Variants in CCDC69 observed in about 807,000 individuals in gnomAD.
CCDC69 encodes the protein coiled-coil domain containing 69.
Under a neutral mutation model 40.3 loss-of-function variants are expected in CCDC69, and 38 were observed. The observed-to-expected ratio is 0.94, with a 90% CI of 0.73 to 1.24. CCDC69 has a LOEUF of 1.24. CCDC69 is among the 50% of genes most tolerant of loss of function. The pLI is 0.00. For missense variants in CCDC69, 389 were observed against 357.9 expected (o/e 1.09, Z -0.70); for synonymous variants, 141 against 138.9 (o/e 1.02, Z -0.11).
In CCDC69 at chr5:151,201,580, A is replaced by T; in HGVS notation, c.231+2T>A. ...ACAGGGGGTGGGGGCACCTGGACTT[A>T]CCTGTTGTGCCCATTTCTTCTTTTC... On this transcript the variant is annotated splice_donor_variant, in intron 3 of 8. Coordinates refer to ENST00000355417, the MANE Select transcript of CCDC69 (RefSeq NM_015621.3). LOFTEE classifies it high-confidence loss of function. 1.2e-6 allele frequency: 2 copies of T among 1,606,322 alleles called. No homozygotes were observed. Among genetic ancestry groups the T allele is most frequent in the Non-Finnish European group, 1.7e-6 (2 of 1,173,476 alleles).
At chr5:151,217,722 C>G (rs937596336) in intron 1 of CCDC69, among the ~76,000 whole-genome samples, 2 of 152,174 alleles carry the variant, frequency 1.3e-5, no homozygotes, top group South Asian at 2.1e-4. Context: ...TTTCCCTCTT[C>G]TTGTTGGGAC....
intron 1 of CCDC69, among the ~76,000 whole-genome samples, chr5:151,209,665 C>T (rs866163427): frequency 3.3e-5 from 5 of 152,024 alleles, no homozygotes; most frequent in Admixed American, 6.5e-5. Flanking sequence ...CTGCAACCTC[C>T]GCCTCCCAGG....
intron 1 of CCDC69, among the ~76,000 whole-genome samples, chr5:151,222,329 A>T (rs1256358674): frequency 1.3e-5 from 2 of 152,226 alleles, no homozygotes; most frequent in African/African-American, 2.4e-5. Flanking sequence ...AACAGCTGGT[A>T]AGTCTCTCAG....
At chr5:151,215,605 T>C (rs1320421194) in intron 1 of CCDC69, 4 of 407,366 alleles carry the variant, frequency 9.8e-6, no homozygotes, top group African/African-American at 2.0e-5. Context: ...GAGGCCTGGG[T>C]GAGAACCTGG....
Position 151,183,614 on chromosome 5 carries a change from C to A in CCDC69, c.714G>T (p.Arg238Ser). 6.2e-7 allele frequency: 1 copy of A among 1,606,168 alleles called. No homozygotes were observed. Among genetic ancestry groups the A allele is most frequent in the Non-Finnish European group, 8.5e-7 (1 of 1,176,236 alleles). ...VRSRNQVVLS[R>S]QLSEDLLLTR... is the part of the protein sequence containing the mutation. ...TGAGAAGCAGGTCTTCTGACAGCTG[C>A]CTGTGGATGCACACAGAGCCCAGGG... Residue 238 changes from arginine to serine, a missense_variant and splice_region_variant, in exon 9 of 9, where the codon AGG becomes AGT. Coordinates refer to ENST00000355417, the MANE Select transcript of CCDC69 (RefSeq NM_015621.3).
chr5:151,189,463 A>T (rs1433695619), intron 4 of CCDC69, among the ~76,000 whole-genome samples: 1 of 152,074 alleles, frequency 6.6e-6, no homozygotes, highest in Non-Finnish European at 1.5e-5. Flanking sequence ...AAAAAAGATT[A>T]GAAAAAAAAA....
intron 1 of CCDC69, 141 bp from the exon 2 acceptor site, chr5:151,205,616 CTGCCT>C: frequency 1.4e-6 from 1 of 695,078 alleles, no homozygotes; most frequent in East Asian, 2.6e-5. Context: ...GCGCATTGGG[CTGCCT>C]CGCAGCCCCA....
intron 3 of CCDC69, among the ~76,000 whole-genome samples, chr5:151,200,976 A>G (rs1227573419): frequency 6.6e-6 from 1 of 152,206 alleles, no homozygotes; most frequent in African/African-American, 2.4e-5. Flanking sequence ...CAGTCATATA[A>G]GCTAAATTAT....
chr5:151,194,891 C>CAAAAAAAAAAAAA (rs59836328), intron 4 of CCDC69, among the ~76,000 whole-genome samples: 2 of 92,334 alleles, frequency 2.2e-5, no homozygotes, highest in African/African-American at 4.4e-5. Flanking sequence ...GCCTCCATCT[C>CAAAAAAAAAAAAA]AAAAAAAAAA....
intron 1 of CCDC69, among the ~76,000 whole-genome samples, chr5:151,221,275 C>T (rs1753130966): frequency 6.6e-6 from 1 of 152,192 alleles, no homozygotes; most frequent in South Asian, 2.1e-4. Flanking sequence ...CTAAAAGTGC[C>T]TGCCTCATTC....
intron 4 of CCDC69, among the ~76,000 whole-genome samples, chr5:151,191,270 TA>T (rs1220341959): frequency 5.3e-5 from 8 of 152,116 alleles, no homozygotes; most frequent in Non-Finnish European, 1.2e-4. Context: ...CATAGACAAA[TA>T]TGCATTATAA....
Position 151,201,574 on chromosome 5 carries a change from G to A in CCDC69, c.231+8C>T. 6.3e-7 allele frequency: 1 copy of A among 1,591,298 alleles called. No individual in the cohort carries two copies. Among genetic ancestry groups the A allele is most frequent in the Non-Finnish European group, 8.6e-7 (1 of 1,160,134 alleles). On this transcript the variant is annotated splice_region_variant and intron_variant, in intron 3 of 8. Coordinates refer to ENST00000355417, the MANE Select transcript of CCDC69 (RefSeq NM_015621.3). ...AGAAAGACAGGGGGTGGGGGCACCTGGACTTACCTGTTGTGCCCATTTCTT... is the reference window on the plus strand; with the variant it reads ...AGAAAGACAGGGGGTGGGGGCACCTAGACTTACCTGTTGTGCCCATTTCTT...
intron 8 of CCDC69, 22 bp from the exon 9 acceptor site, chr5:151,183,636 AG>A: frequency 6.3e-7 from 1 of 1,586,276 alleles, no homozygotes; most frequent in Non-Finnish European, 8.6e-7. Flanking sequence ...CACAGAGCCC[AG>A]GGTTGCCTAC....
chr5:151,205,335 G>T, intron 2 of CCDC69, 65 bp downstream of exon 2: 1 of 1,214,572 alleles, frequency 8.2e-7, no homozygotes, highest in Non-Finnish European at 1.2e-6. Context: ...TGTATCATCT[G>T]TGTTGATTAT....
At chr5:151,189,769 C>T (rs1752581562) in intron 4 of CCDC69, among the ~76,000 whole-genome samples, 1 of 152,114 alleles carries the variant, frequency 6.6e-6, no homozygotes, top group African/African-American at 2.4e-5. Flanking sequence ...TAGGGAACAA[C>T]AGCTTGAATA....
At chr5:151,209,385 G>A (rs80005243) in intron 1 of CCDC69, among the ~76,000 whole-genome samples, 1,960 of 152,304 alleles carry the variant, frequency 0.013, 41 homozygotes, top group African/African-American at 0.045. Flanking sequence ...ATGAAATGCT[G>A]CCTTCTTTCA....
intron 3 of CCDC69, among the ~76,000 whole-genome samples, chr5:151,199,984 G>T (rs1219742585): frequency 6.6e-6 from 1 of 152,130 alleles, no homozygotes; most frequent in Non-Finnish European, 1.5e-5. Flanking sequence ...GTCTGGACCC[G>T]ATTTCTCCCT....
chr5:151,191,012 T>C lies in CCDC69; in HGVS notation c.320-3553A>G, dbSNP rs189979204. The stretch of plus-strand genomic sequence containing the variant: ...TTTAAAAACCCACCTGATGGGATCA[T>C]TCATACCCCAAACCTCAGCATCATG... On this transcript the variant is annotated intron_variant, in intron 4 of 8. Coordinates refer to ENST00000355417, the MANE Select transcript of CCDC69 (RefSeq NM_015621.3). Among the ~76,000 whole-genome samples, 44 of 152,156 alleles carry C rather than the reference T, an allele frequency of 2.9e-4. No individual in the cohort carries two copies. In the East Asian group the frequency reaches 7.5e-3, roughly 26 times the overall value.
At chr5:151,187,557 G>T in intron 4 of CCDC69, 98 bp from the exon 5 acceptor site, 1 of 907,878 alleles carries the variant, frequency 1.1e-6, no homozygotes, top group Non-Finnish European at 1.8e-6. Context: ...TTTAACTGGG[G>T]CCCATAGAGG....
Sources: allele counts gnomAD v4.1 joint callset (sites outside exome capture counted in the v4.1 genomes callset), GRCh38; gene constraint gnomAD v4.1.1; transcripts MANE v1.5; gene names NCBI Gene and HGNC (gene_info 2026-07-23, HGNC 2026-07-21).